Variants in BCAS1 observed in about 807,000 individuals in gnomAD.
BCAS1 encodes breast carcinoma-amplified sequence 1.
In BCAS1, 46 loss-of-function variants were observed where a neutral mutation model predicts 65.4. The observed-to-expected ratio is 0.70, with a 90% CI of 0.55 to 0.90. BCAS1 has a LOEUF of 0.90. Ranked by LOEUF, BCAS1 falls within the 40% of genes least tolerant of loss-of-function variation. BCAS1 has a pLI of 0.00. For missense variants in BCAS1, 793 were observed against 771.2 expected, an observed-to-expected ratio of 1.03 and a Z score of -0.33; for synonymous variants, 298 against 293.5, an observed-to-expected ratio of 1.02 and a Z score of -0.16.
At chr20:54,053,719 A>G (rs2092254662) in intron 3 of BCAS1, among the ~76,000 whole-genome samples, 1 of 152,262 alleles carries the variant, frequency 6.6e-6, no homozygotes, top group Non-Finnish European at 1.5e-5. Flanking sequence ...CTTTGGTCCT[A>G]TCATTATTAT....
At chr20:53,980,990 T>C (rs2090462442) in intron 8 of BCAS1, among the ~76,000 whole-genome samples, 1 of 152,224 alleles carries the variant, frequency 6.6e-6, no homozygotes, top group Non-Finnish European at 1.5e-5. Flanking sequence ...GGGATCCTGT[T>C]TGGACATTTA....
chr20:54,053,851 T>C (rs1326888947), intron 3 of BCAS1, among the ~76,000 whole-genome samples: 4 of 152,260 alleles, frequency 2.6e-5, no homozygotes, highest in African/African-American at 7.2e-5. Flanking sequence ...CATGGTACCA[T>C]TGCTGCTTCT....
At chr20:53,964,010 G>A (rs431061) in intron 10 of BCAS1, among the ~76,000 whole-genome samples, 42,627 of 152,136 alleles carry the variant, frequency 0.28, 7,008 homozygotes, top group African/African-American at 0.46. Context: ...CTCCGCCGGG[G>A]GAGACTGCAC....
chr20:53,960,712 CCT>C (rs1375501045), intron 10 of BCAS1, among the ~76,000 whole-genome samples: 3 of 151,790 alleles, frequency 2.0e-5, no homozygotes, highest in African/African-American at 4.8e-5. Context: ...TTCCTCTCGT[CCT>C]CTCTCTCTCC....
rs73625494 is a variant in BCAS1 at position 54,005,070 on chromosome 20, TA to T, written c.724-9021del. ...GAGCACTGTGGTAAGCTGTGAGATT[TA>T]CAAAAATGAATCTGACACTGTCTTC... On this transcript the variant is annotated intron_variant, in intron 4 of 12. Transcript: ENST00000688948. Among the ~76,000 whole-genome samples the T allele has an allele frequency of 8.7e-4, 133 of 152,322 alleles. 7 individuals are homozygous for T. In the East Asian group the frequency reaches 0.016, roughly 18 times the overall value.
intron 1 of BCAS1, among the ~76,000 whole-genome samples, chr20:54,068,833 C>T (rs570444202): frequency 6.6e-6 from 1 of 152,250 alleles, no homozygotes; most frequent in Admixed American, 6.5e-5. Context: ...ACATCTAATA[C>T]TCCAGCAGGA....
intron 2 of BCAS1, 41 bp from the exon 3 acceptor site, chr20:54,058,195 G>A (rs2092325972): frequency 1.3e-6 from 2 of 1,570,132 alleles, no homozygotes; most frequent in East Asian, 2.2e-5. Flanking sequence ...AATCTTCGGG[G>A]GAAAATCAGA....
At chr20:54,036,290 A>T (rs1016331115) in intron 3 of BCAS1, among the ~76,000 whole-genome samples, 6 of 151,356 alleles carry the variant, frequency 4.0e-5, no homozygotes, top group Non-Finnish European at 8.9e-5. Flanking sequence ...TTTCATTTTT[A>T]AAAAAGTCAA....
intron 1 of BCAS1, among the ~76,000 whole-genome samples, chr20:54,066,690 G>A (rs2092448264): frequency 6.6e-6 from 1 of 152,210 alleles, no homozygotes; most frequent in South Asian, 2.1e-4. Context: ...TGGCTAGCCA[G>A]AAAGAGTGGT....
intron 12 of BCAS1, among the ~76,000 whole-genome samples, chr20:53,949,624 G>A (rs571790935): frequency 5.4e-4 from 82 of 152,320 alleles, no homozygotes; most frequent in African/African-American, 1.9e-3. Context: ...TTGGAAAGCG[G>A]CAGGGAAGCC....
At chr20:54,009,364 A>G (rs942538488) in intron 4 of BCAS1, among the ~76,000 whole-genome samples, 3 of 152,196 alleles carry the variant, frequency 2.0e-5, no homozygotes, top group African/African-American at 7.2e-5. Context: ...ACAGATGACA[A>G]CAAAAAAGAG....
intron 1 of BCAS1, among the ~76,000 whole-genome samples, chr20:54,065,364 C>T (rs2092426906): frequency 6.6e-6 from 1 of 152,180 alleles, no homozygotes; most frequent in Non-Finnish European, 1.5e-5. Context: ...GTTTCTCCCT[C>T]ACAATAAGTG....
At chr20:53,950,210 T>G (rs2089470511) in intron 12 of BCAS1, among the ~76,000 whole-genome samples, 1 of 152,100 alleles carries the variant, frequency 6.6e-6, no homozygotes, top group Admixed American at 6.5e-5. Context: ...ATTCTCCCCC[T>G]ACCCTACCTC....
At chr20:53,996,317 C>T (rs1217345358) in intron 4 of BCAS1, among the ~76,000 whole-genome samples, 1 of 151,966 alleles carries the variant, frequency 6.6e-6, no homozygotes, top group Non-Finnish European at 1.5e-5. Context: ...GCATTTCAAA[C>T]AAAAACCCTT....
At chr20:53,996,392 T>C (rs1251433129) in intron 4 of BCAS1, among the ~76,000 whole-genome samples, 1 of 149,532 alleles carries the variant, frequency 6.7e-6, no homozygotes, top group Non-Finnish European at 1.5e-5. Context: ...AGTCTCCTTA[T>C]CTATGATGTG....
intron 4 of BCAS1, among the ~76,000 whole-genome samples, chr20:53,998,268 G>A (rs2090970057): frequency 6.6e-6 from 1 of 152,106 alleles, no homozygotes; most frequent in South Asian, 2.1e-4. Context: ...TTTAATGGAC[G>A]ATTGTATTGG....
At chr20:53,997,116 C>A (rs1568858948) in intron 4 of BCAS1, among the ~76,000 whole-genome samples, 1 of 152,212 alleles carries the variant, frequency 6.6e-6, no homozygotes, top group Non-Finnish European at 1.5e-5. Flanking sequence ...CACCAGAGTC[C>A]CTTGCCCTTT....
intron 7 of BCAS1, 103 bp from the exon 8 acceptor site, chr20:53,985,602 T>C (rs886670363): frequency 2.0e-5 from 20 of 1,006,464 alleles, no homozygotes; most frequent in African/African-American, 1.3e-4. Flanking sequence ...TTATACATAA[T>C]GTTAATTTTC....
At chr20:53,970,669 T>C (rs544711875) in intron 9 of BCAS1, among the ~76,000 whole-genome samples, 45 of 152,334 alleles carry the variant, frequency 3.0e-4, no homozygotes, top group Admixed American at 1.1e-3. Context: ...ACATCTAACA[T>C]TGACAATATA....
Sources: allele counts gnomAD v4.1 joint callset (sites outside exome capture counted in the v4.1 genomes callset), GRCh38; gene constraint gnomAD v4.1.1; transcripts MANE v1.5; gene names NCBI Gene and HGNC (gene_info 2026-07-23, HGNC 2026-07-21).